Variants in STK24 observed in about 807,000 individuals in gnomAD.
STK24 encodes serine/threonine-protein kinase 24.
STK24 carries 21 observed loss-of-function variants against 55.6 expected under a neutral mutation model. That is an observed-to-expected ratio of 0.38 (90% CI 0.27 to 0.54). The LOEUF is 0.54. STK24 is among the 20% of genes least tolerant of loss of function. The pLI is 0.79. For missense variants in STK24, 383 were observed against 538.4 expected (o/e 0.71, Z 2.86); for synonymous variants, 200 against 215.2 (o/e 0.93, Z 0.62).
At chr13:98,540,993 CTG>C (rs1266975984) in intron 1 of STK24, among the ~76,000 whole-genome samples, 4 of 152,140 alleles carry the variant, frequency 2.6e-5, no homozygotes, top group African/African-American at 9.7e-5. Context: ...CCCCAAACCT[CTG>C]TGATTTAGCA....
intron 1 of STK24, among the ~76,000 whole-genome samples, chr13:98,533,796 C>A (rs1896641230): frequency 6.6e-6 from 1 of 152,104 alleles, no homozygotes; most frequent in African/African-American, 2.4e-5. Context: ...CACACCACCA[C>A]CTGCTCTGTT....
chr13:98,490,753 G>C (rs905223569), intron 2 of STK24, among the ~76,000 whole-genome samples: 1 of 151,046 alleles, frequency 6.6e-6, no homozygotes, highest in African/African-American at 2.4e-5. Context: ...CCTTGTGTTC[G>C]CAAACAAAAA....
At chr13:98,518,680 C>G (rs1896154318) in intron 2 of STK24, among the ~76,000 whole-genome samples, 1 of 152,228 alleles carries the variant, frequency 6.6e-6, no homozygotes, top group Non-Finnish European at 1.5e-5. Context: ...TTCTTTCCCA[C>G]TTAAAGAACA....
At chr13:98,519,638 G>T (rs1594634429) in intron 1 of STK24, among the ~76,000 whole-genome samples, 165 bp from the exon 2 acceptor site, 1 of 152,128 alleles carries the variant, frequency 6.6e-6, no homozygotes, top group African/African-American at 2.4e-5. Context: ...GCAGGTTCAG[G>T]ACATAAGATT....
At position 98,447,023 on chromosome 13, in the gene STK24, C is replaced by A; in HGVS notation, c.*6150G>T. On this transcript the variant is annotated 3_prime_UTR_variant, in exon 11 of 11. Transcript: ENST00000539966. ...GGTCCCAACTTCCCTGCGCCCTTAC[C>A]CTGCACGGTGTTGGCTGAGGCCCTA... 1.8e-6 allele frequency: 1 copy of A among 561,860 alleles called. No individual in the cohort carries two copies. Among genetic ancestry groups the A allele is most frequent in the Non-Finnish European group, 3.2e-6 (1 of 315,036 alleles). 34.8% of individuals were successfully genotyped at this position (561,860 alleles called of 1,614,324 possible). A position where few individuals can be genotyped will look rare whatever the true frequency, so the allele number is the denominator to read the frequency against.
intron 1 of STK24, among the ~76,000 whole-genome samples, chr13:98,522,973 T>C (rs1896314112): frequency 6.6e-6 from 1 of 152,182 alleles, no homozygotes; most frequent in Non-Finnish European, 1.5e-5. Context: ...CGGTTAGCAC[T>C]GTCATTCCCG....
chr13:98,480,787 C>T (rs1367265791), intron 3 of STK24, among the ~76,000 whole-genome samples: 9 of 152,278 alleles, frequency 5.9e-5, no homozygotes, highest in Admixed American at 1.3e-4. Flanking sequence ...TAGGATTTTG[C>T]TATGTGGCCC....
At chr13:98,456,620 CA>C in intron 10 of STK24, 1 of 465,926 alleles carries the variant, frequency 2.1e-6, no homozygotes, top group South Asian at 1.6e-5. Flanking sequence ...AGTCCTCACC[CA>C]TAGTGCATTC....
At chr13:98,555,014 CAAAA>C (rs398024117) in intron 1 of STK24, among the ~76,000 whole-genome samples, 1,481 of 88,304 alleles carry the variant, frequency 0.017, 30 homozygotes, top group African/African-American at 0.052. Flanking sequence ...GACTCCAACT[CAAAA>C]AAAAAAAAAA....
chr13:98,513,049 G>T (rs1001357520), intron 2 of STK24, among the ~76,000 whole-genome samples: 1 of 152,238 alleles, frequency 6.6e-6, no homozygotes, highest in Admixed American at 6.5e-5. Flanking sequence ...AAGTAACCCA[G>T]AAAAGCATCT....
intron 1 of STK24, among the ~76,000 whole-genome samples, chr13:98,539,034 A>C (rs1896812760): frequency 6.6e-6 from 1 of 152,070 alleles, no homozygotes. Flanking sequence ...ACACACAGTC[A>C]CTCCCCAGAC....
intron 2 of STK24, among the ~76,000 whole-genome samples, chr13:98,489,582 G>A (rs1002554805): frequency 1.3e-5 from 2 of 152,314 alleles, no homozygotes; most frequent in South Asian, 2.1e-4. Flanking sequence ...GACAGCCAGT[G>A]GCAGATGCCA....
intron 3 of STK24, among the ~76,000 whole-genome samples, chr13:98,476,807 C>T (rs1178630608): frequency 2.0e-5 from 3 of 152,246 alleles, no homozygotes; most frequent in Non-Finnish European, 4.4e-5. Context: ...ATCCCAGGGT[C>T]AGGGCCACTC....
intron 1 of STK24, among the ~76,000 whole-genome samples, chr13:98,522,779 C>G (rs1341829077): frequency 1.3e-5 from 2 of 152,190 alleles, no homozygotes; most frequent in Non-Finnish European, 2.9e-5. Context: ...GGACTGTGGT[C>G]AGTAAACATC....
At position 98,548,002 on chromosome 13, in the gene STK24, G is replaced by A. The variant is rs1263353481; in HGVS notation, c.43-28529C>T. Reference sequence around the variant, plus strand: ...CCCCTCTCTCCCTTAAGAACTCAGAGAGACTCTAACTTCCCGCTCCAGCAG... The same window carrying A: ...CCCCTCTCTCCCTTAAGAACTCAGAAAGACTCTAACTTCCCGCTCCAGCAG... On this transcript the variant is annotated intron_variant, in intron 1 of 10. Transcript: ENST00000539966. Among the ~76,000 whole-genome samples the A allele has an allele frequency of 2.0e-5, 3 of 152,116 alleles. No individual in the cohort carries two copies. In the East Asian group the frequency reaches 5.8e-4, roughly 29 times the overall value.
Position 98,526,323 on chromosome 13 carries a change from A to C in STK24, c.43-6850T>G, listed in dbSNP as rs374113396. Among the ~76,000 whole-genome samples the C allele has an allele frequency of 2.0e-5, 3 of 152,288 alleles. No homozygotes were observed. The South Asian group carries it at 6.2e-4, about 32-fold the overall frequency. On this transcript the variant is annotated intron_variant, in intron 1 of 10. Transcript: ENST00000539966. ...CCTGCAGTGCACACAGCGTGTAGCC[A>C]GCCTAATAGGAGTGGATTTATTGAG...
At chr13:98,457,668 C>T (rs903628640) in intron 9 of STK24, among the ~76,000 whole-genome samples, 1 of 152,118 alleles carries the variant, frequency 6.6e-6, no homozygotes, top group Non-Finnish European at 1.5e-5. Flanking sequence ...CAGGATTTCA[C>T]CATGTTGGCC....
intron 5 of STK24, among the ~76,000 whole-genome samples, chr13:98,471,514 C>T (rs1223374688): frequency 6.6e-6 from 1 of 152,212 alleles, no homozygotes; most frequent in African/African-American, 2.4e-5. Context: ...TTCAAACAAA[C>T]CAAACTTCCC....
At chr13:98,474,383 C>T (rs9645890) in intron 5 of STK24, among the ~76,000 whole-genome samples, 81,373 of 151,990 alleles carry the variant, frequency 0.54, 22,124 homozygotes, top group Non-Finnish European at 0.58. Context: ...CTCCCTTTCT[C>T]TTGTGGGAGC....
Sources: allele counts gnomAD v4.1 joint callset (sites outside exome capture counted in the v4.1 genomes callset), GRCh38; gene constraint gnomAD v4.1.1; transcripts MANE v1.5; gene names NCBI Gene and HGNC (gene_info 2026-07-23, HGNC 2026-07-21).